Variants in TNFRSF1A observed in about 807,000 individuals in gnomAD.
TNFRSF1A encodes the protein tumor necrosis factor receptor superfamily member 1A.
In TNFRSF1A, 9 loss-of-function variants were observed where a neutral mutation model predicts 41.6. That is an observed-to-expected ratio of 0.22 (90% confidence interval 0.13 to 0.38). TNFRSF1A has a LOEUF of 0.38. TNFRSF1A is among the 10% of genes least tolerant of loss of function. The probability of loss-of-function intolerance (pLI) is 1.00; values close to 1 mark genes in which losing one functional copy is unlikely to be tolerated. For missense variants in TNFRSF1A, 463 were observed against 591.5 expected, an observed-to-expected ratio of 0.78 and a Z score of 2.25; for synonymous variants, 254 against 248.6, an observed-to-expected ratio of 1.02 and a Z score of -0.21.
intron 7 of TNFRSF1A, 26 bp from the exon 8 acceptor site, chr12:6,330,321 T>C (rs1034199393): frequency 6.2e-7 from 1 of 1,607,010 alleles, no homozygotes. Context: ...GAAAGCATCA[T>C]AAATTTCACT....
intron 5 of TNFRSF1A, chr12:6,331,220 TA>T: frequency 2.1e-6 from 1 of 468,186 alleles, no homozygotes; most frequent in Non-Finnish European, 3.9e-6. Context: ...GGCAAGCCAT[TA>T]ACCCCCAAGC....
chr12:6,340,017 C>T (rs1043151696), intron 1 of TNFRSF1A, among the ~76,000 whole-genome samples: 3 of 152,196 alleles, frequency 2.0e-5, no homozygotes, highest in Non-Finnish European at 4.4e-5. Flanking sequence ...CACCCCAGGA[C>T]GCAGGCACTT....
At chr12:6,331,120 G>T (rs1948045268) in intron 5 of TNFRSF1A, 194 bp from the exon 6 acceptor site, 1 of 638,878 alleles carries the variant, frequency 1.6e-6, no homozygotes, top group Non-Finnish European at 2.8e-6. Flanking sequence ...AATTGGCAGG[G>T]ATCTTGAAAA....
intron 1 of TNFRSF1A, among the ~76,000 whole-genome samples, chr12:6,336,817 G>A (rs921229487): frequency 2.0e-5 from 3 of 152,122 alleles, no homozygotes; most frequent in African/African-American, 7.2e-5. Flanking sequence ...ACACTCCCCA[G>A]TCCCAGCAGG....
chr12:6,329,383 A>T lies in TNFRSF1A; in HGVS notation c.1297T>A (p.Cys433Ser). 1 of 1,538,552 alleles carries T rather than the reference A, an allele frequency of 6.5e-7. No homozygotes were observed. Among genetic ancestry groups the T allele is most frequent in the Non-Finnish European group, 8.7e-7 (1 of 1,149,876 alleles). The change falls in exon 10 of 10, where the codon TGC becomes AGC. Residue 433 changes from cysteine (C) to serine (S), a missense_variant. Coordinates refer to ENST00000162749, the MANE Select transcript of TNFRSF1A (RefSeq NM_001065.4). ...AGCGCCTCCTCGATGTCCTCCAGGC[A>T]GCCCAGCAGGTCCATGTCGCGGAGC... Reference protein sequence around the residue: ...RVLRDMDLLGCLEDIEEALCG... With the variant: ...RVLRDMDLLGSLEDIEEALCG...
Position 6,333,457 on chromosome 12 carries a change from T to G in TNFRSF1A, c.382A>C (p.Arg128=). 6.2e-7 allele frequency: 1 copy of G among 1,614,160 alleles called. No homozygotes were observed. Among genetic ancestry groups the G allele is most frequent in the Non-Finnish European group, 8.5e-7 (1 of 1,180,014 alleles). The part of the protein sequence containing the change: ...TVDRDTVCGC[R]KNQYRHYWSE... ...CAATAATGCCGGTACTGGTTCTTCC[T>G]GCAGCCACACACGGTGTCCCGGTCC... The change falls in exon 4 of 10, where the codon AGG becomes CGG. Residue 128 remains arginine (R), a synonymous_variant. Coordinates refer to ENST00000162749, the MANE Select transcript of TNFRSF1A (RefSeq NM_001065.4). This position sits in a 1 kb window ranked among gnomAD's most constrained non-coding sequence, Gnocchi z 6.3.
rs1303449246 is a variant in TNFRSF1A, at chr12:6,330,706, TG to T, written c.630del (p.Thr211GlnfsTer22). ...AAAATGACCAGGGGCAACAGCACTG[TG>T]GTGCCTGCAGACAAAGCAGGTGTTG... Reference protein sequence around the residue: ...ENVKGTEDSGTTVLLPLVIFF... With the variant: ...ENVKGTEDSGXTVLLPLVIFF... On this transcript the variant is annotated frameshift_variant, in exon 7 of 10. Coordinates refer to ENST00000162749, the MANE Select transcript of TNFRSF1A (RefSeq NM_001065.4). LOFTEE classifies it high-confidence loss of function. 8 of 1,612,984 alleles carry T rather than the reference TG, an allele frequency of 5.0e-6. No homozygotes were observed.
Position 6,334,468 on chromosome 12 carries a change from G to C in TNFRSF1A, c.40-224C>G, listed in dbSNP as rs1948093321. Among the ~76,000 whole-genome samples, 1 of 151,616 alleles carries C rather than the reference G, an allele frequency of 6.6e-6. No homozygotes were observed. Among genetic ancestry groups the C allele is most frequent in the South Asian group, 2.1e-4 (1 of 4,808 alleles). Reference sequence around the variant, plus strand: ...CTAGTTGTCCTGTGTGTTCATTTTTGTTCCCTCAACTCAAAGCTAGTAGGC... The same window carrying C: ...CTAGTTGTCCTGTGTGTTCATTTTTCTTCCCTCAACTCAAAGCTAGTAGGC... On this transcript the variant is annotated intron_variant, in intron 1 of 9. Coordinates refer to ENST00000162749, the MANE Select transcript of TNFRSF1A (RefSeq NM_001065.4). This position sits in a 1 kb window ranked among gnomAD's most constrained non-coding sequence, Gnocchi z 5.1.
In TNFRSF1A at chr12:6,337,787, G is replaced by C. The variant is rs541944730; in HGVS notation, c.40-3543C>G. Among the ~76,000 whole-genome samples, 19 of 152,218 alleles carry C rather than the reference G, an allele frequency of 1.2e-4. No individual in the cohort carries two copies. The highest frequency in any genetic ancestry group is 4.3e-4 in the African/African-American group (18 of 41,518). On this transcript the variant is annotated intron_variant, in intron 1 of 9. Transcript: ENST00000162749. The surrounding 1 kb of genome is among the most constrained non-coding windows in gnomAD (Gnocchi z 4.6). ...AGATGAGAGATCAAAAAATGTCTTG[G>C]TCAGAAAGTGTCTTATCCTCCCCTG...
intron 5 of TNFRSF1A, chr12:6,331,692 T>C (rs1948051659): frequency 5.9e-6 from 1 of 168,848 alleles, no homozygotes; most frequent in Middle Eastern, 3.1e-3. Context: ...CCACATAGAA[T>C]GGTATAAAAG....
rs1287943550 is a variant in TNFRSF1A, at chr12:6,337,555, TCTC to T, written c.40-3314_40-3312del. ...GGTGTTGGGGGAGGTCGTGGCAGCT[TCTC>T]CTCCAAGGGCCCAGTTGAGATCCCA... On this transcript the variant is annotated intron_variant, in intron 1 of 9. Transcript: ENST00000162749. This position sits in a 1 kb window ranked among gnomAD's most constrained non-coding sequence, Gnocchi z 4.6. Among the ~76,000 whole-genome samples, 1 of 151,978 alleles carries T rather than the reference TCTC, an allele frequency of 6.6e-6. No homozygotes were observed. The highest frequency in any genetic ancestry group is 1.5e-5 in the Non-Finnish European group (1 of 67,986).
chr12:6,330,724 C>T lies in TNFRSF1A; in HGVS notation c.626-13G>A. 1.2e-6 allele frequency: 2 copies of T among 1,609,202 alleles called. No individual in the cohort carries two copies. The highest frequency in any genetic ancestry group is 1.7e-6 in the Non-Finnish European group (2 of 1,175,638). ...AGCACTGTGGTGCCTGCAGACAAAG[C>T]AGGTGTTGGTCAGAGGAGCGGGCAG... On this transcript the variant is annotated splice_polypyrimidine_tract_variant and intron_variant, in intron 6 of 9. Transcript: ENST00000162749.
rs1315790597 is a variant in TNFRSF1A, at chr12:6,331,225, C to G, written c.552-299G>C. 6.5e-6 allele frequency: 3 copies of G among 458,468 alleles called. No individual in the cohort carries two copies. In the East Asian group the frequency reaches 1.3e-4, roughly 20 times the overall value. 28.4% of individuals were successfully genotyped at this position (458,468 alleles called of 1,614,324 possible). A position where few individuals can be genotyped will look rare whatever the true frequency, so the allele number is the denominator to read the frequency against. On this transcript the variant is annotated intron_variant, in intron 5 of 9. Coordinates refer to ENST00000162749, the MANE Select transcript of TNFRSF1A (RefSeq NM_001065.4). ...TGTGAATCTAGGCAAGCCATTAACCCCCAAGCCTCGGTTTCCTCATCACCA... is the reference window on the plus strand; with the variant it reads ...TGTGAATCTAGGCAAGCCATTAACCGCCAAGCCTCGGTTTCCTCATCACCA...
In TNFRSF1A at chr12:6,337,062, C is replaced by T. The variant is rs544759233; in HGVS notation, c.40-2818G>A. Among the ~76,000 whole-genome samples, 10 of 152,178 alleles carry T rather than the reference C, an allele frequency of 6.6e-5. No individual in the cohort carries two copies. Among genetic ancestry groups the T allele is most frequent in the African/African-American group, 2.4e-4 (10 of 41,428 alleles). On this transcript the variant is annotated intron_variant, in intron 1 of 9. Transcript: ENST00000162749. This position sits in a 1 kb window ranked among gnomAD's most constrained non-coding sequence, Gnocchi z 4.6. The stretch of plus-strand genomic sequence containing the variant: ...CGAGGGAGCAGGCAAGAAGGGATGC[C>T]GGATGGAAGAACCAGCCCTGCTTCC...
In TNFRSF1A at chr12:6,341,491, T is replaced by A. The variant is rs1001594689; in HGVS notation, c.39+285A>T. On this transcript the variant is annotated intron_variant, in intron 1 of 9. Coordinates refer to ENST00000162749, the MANE Select transcript of TNFRSF1A (RefSeq NM_001065.4). The surrounding 1 kb of genome is among the most constrained non-coding windows in gnomAD (Gnocchi z 4.6). Reference sequence around the variant, plus strand: ...GGGCCTATCTCCTGCCCACATTCCCTTGGCCGCCCACAAACTTCCACCGCT... The same window carrying A: ...GGGCCTATCTCCTGCCCACATTCCCATGGCCGCCCACAAACTTCCACCGCT... 3.9e-5 allele frequency among the ~76,000 whole-genome samples: 6 copies of A among 152,356 alleles called. No homozygotes were observed. In the East Asian group the frequency reaches 5.8e-4, roughly 15 times the overall value.
chr12:6,331,023 T>C, intron 5 of TNFRSF1A, 97 bp from the exon 6 acceptor site: 1 of 1,044,142 alleles, frequency 9.6e-7, no homozygotes, highest in Non-Finnish European at 1.5e-6. Context: ...TCTTTACAAA[T>C]ATTTTTGCTG....
chr12:6,337,222 G>T lies in TNFRSF1A; in HGVS notation c.40-2978C>A, dbSNP rs1948132814. ...CCAGTAAGCCCAGTCCTCAGCAGTT[G>T]CGTAAATGAAGCAAAACAGGAGAAA... On this transcript the variant is annotated intron_variant, in intron 1 of 9. Coordinates refer to ENST00000162749, the MANE Select transcript of TNFRSF1A (RefSeq NM_001065.4). This position sits in a 1 kb window ranked among gnomAD's most constrained non-coding sequence, Gnocchi z 4.6. 6.6e-6 allele frequency among the ~76,000 whole-genome samples: 1 copy of T among 152,210 alleles called. No individual in the cohort carries two copies. Among genetic ancestry groups the T allele is most frequent in the Admixed American group, 6.5e-5 (1 of 15,282 alleles).
rs4149637 is a variant in TNFRSF1A at position 6,333,835 on chromosome 12, G to A, written c.224C>T (p.Pro75Leu). 4.7e-3 allele frequency: 7,475 copies of A among 1,599,400 alleles called. 272 individuals are homozygous for A. The African/African-American group carries it at 0.082, about 17-fold the overall frequency. ...CTCCCTGCAGTCCGTATCCTGCCCCGGGCCTGGACAGTCATTGTACAAGTA... is the reference window on the plus strand; with the variant it reads ...CTCCCTGCAGTCCGTATCCTGCCCCAGGCCTGGACAGTCATTGTACAAGTA... Reference protein sequence around the residue: ...GTYLYNDCPGPGQDTDCRECE... With the variant: ...GTYLYNDCPGLGQDTDCRECE... Residue 75 changes from proline (P) to leucine (L), a missense_variant, in exon 3 of 10, where the codon CCG becomes CTG. Physicochemically the swap from Pro to Leu is moderately conservative, Grantham distance 98. Around this residue, in one of 4 missense-constraint regions of TNFRSF1A, gnomAD observed 149 missense variants for 239.4 expected, o/e 0.62. Coordinates refer to ENST00000162749, the MANE Select transcript of TNFRSF1A (RefSeq NM_001065.4). The surrounding 1 kb of genome is among the most constrained non-coding windows in gnomAD (Gnocchi z 6.3).
Position 6,330,274 on chromosome 12 carries a change from T to G in TNFRSF1A, c.761A>C (p.Glu254Ala), listed in dbSNP as rs780213224. 1 of 1,614,136 alleles carries G rather than the reference T, an allele frequency of 6.2e-7. No individual in the cohort carries two copies. The highest frequency in any genetic ancestry group is 8.5e-7 in the Non-Finnish European group (1 of 1,180,004). ...TCTCTCATTTCATCTCACCTCTTTTTCAGGTGTCGATTTCCCACAAACTGA... is the reference window on the plus strand; with the variant it reads ...TCTCTCATTTCATCTCACCTCTTTTGCAGGTGTCGATTTCCCACAAACTGA... ...YSIVCGKSTP[E>A]KEGELEGTTT... Residue 254 changes from glutamate (E) to alanine (A), a missense_variant, in exon 8 of 10, where the codon GAA becomes GCA. This residue lies in a region of TNFRSF1A where 277 missense variants were observed against 288.8 expected (regional missense o/e 0.96). Transcript: ENST00000162749.
Sources: allele counts gnomAD v4.1 joint callset (sites outside exome capture counted in the v4.1 genomes callset), GRCh38; gene constraint gnomAD v4.1.1; regional missense constraint gnomAD v4.1.1; non-coding constraint Gnocchi (gnomAD v3.1); transcripts MANE v1.5; gene names NCBI Gene and HGNC (gene_info 2026-07-23, HGNC 2026-07-21).